Variants in WDTC1 observed in about 807,000 individuals in gnomAD.
WDTC1 encodes the protein WD and tetratricopeptide repeats protein 1.
Under a neutral mutation model 76.0 loss-of-function variants are expected in WDTC1, and 12 were observed. The ratio of observed to expected loss-of-function variants is 0.16; its 90% CI spans 0.10 to 0.26. The LOEUF (loss-of-function observed/expected upper bound fraction) is 0.26. WDTC1 is among the 10% of genes least tolerant of loss of function. The probability of loss-of-function intolerance (pLI) is 1.00; values close to 1 mark genes in which losing one functional copy is unlikely to be tolerated. For synonymous variants in WDTC1, 326 were observed against 350.8 expected, an observed-to-expected ratio of 0.93 and a Z score of 0.79; for missense variants, 511 against 908.8, an observed-to-expected ratio of 0.56 and a Z score of 5.63.
intron 6 of WDTC1, among the ~76,000 whole-genome samples, chr1:27,288,385 G>A (rs1343351815): frequency 6.6e-6 from 1 of 150,994 alleles, no homozygotes; most frequent in Non-Finnish European, 1.5e-5. Flanking sequence ...TCATTCTTGG[G>A]TGTTTCTCGC....
At chr1:27,293,920 T>A in intron 7 of WDTC1, 102 bp from the exon 8 acceptor site, 5 of 1,110,074 alleles carry the variant, frequency 4.5e-6, no homozygotes, top group Non-Finnish European at 6.6e-6. Flanking sequence ...ATACCTCCTG[T>A]ATGTCTCAGA....
chr1:27,287,936 C>G, intron 6 of WDTC1, 75 bp downstream of exon 6: 1 of 1,506,018 alleles, frequency 6.6e-7, no homozygotes, highest in Non-Finnish European at 8.9e-7. Context: ...TTCTACAGAC[C>G]TAGCTCTTTC....
At position 27,301,070 on chromosome 1, in the gene WDTC1, T is replaced by C. The variant is rs529632794; in HGVS notation, c.1233-156T>C. Among the ~76,000 whole-genome samples the C allele has an allele frequency of 2.6e-5, 4 of 152,290 alleles. No homozygotes were observed. Among genetic ancestry groups the C allele is most frequent in the Non-Finnish European group, 5.9e-5 (4 of 67,992 alleles). On this transcript the variant is annotated intron_variant, in intron 12 of 15. Coordinates refer to ENST00000319394, the MANE Select transcript of WDTC1 (RefSeq NM_001276252.2). This position sits in a 1 kb window ranked among gnomAD's most constrained non-coding sequence, Gnocchi z 5.8. ...ACTCTGTCTCCTGATGGGGGAGGCC[T>C]GGGCTGAGCCAGGATTCTCTTCGTC...
At chr1:27,295,911 A>T (rs1052133925) in intron 9 of WDTC1, among the ~76,000 whole-genome samples, 14 of 152,044 alleles carry the variant, frequency 9.2e-5, no homozygotes, top group Non-Finnish European at 1.9e-4. Context: ...GACCACAGGC[A>T]CACGCCACCA....
At chr1:27,287,498 T>A (rs1466938003) in intron 5 of WDTC1, among the ~76,000 whole-genome samples, 176 bp from the exon 6 acceptor site, 1 of 152,096 alleles carries the variant, frequency 6.6e-6, no homozygotes, top group Non-Finnish European at 1.5e-5. Context: ...GGGATTTTCC[T>A]GCCTCAGCCT....
intron 5 of WDTC1, among the ~76,000 whole-genome samples, chr1:27,287,120 ACCACT>A: frequency 6.6e-6 from 1 of 150,876 alleles, no homozygotes; most frequent in South Asian, 2.1e-4. Context: ...CCGAGATTGC[ACCACT>A]GCACTCCAGC....
At position 27,298,124 on chromosome 1, in the gene WDTC1, TGCAGAGGGG is replaced by T; in HGVS notation, c.1232+14_1232+22del. 1 of 1,579,446 alleles carries T rather than the reference TGCAGAGGGG, an allele frequency of 6.3e-7. No individual in the cohort carries two copies. The highest frequency in any genetic ancestry group is 8.6e-7 in the Non-Finnish European group (1 of 1,157,076). ...TGAAGCGCAAGTGGTGAGTGGCCAC[TGCAGAGGGG>T]ATCTGGGTCAGGATGAGGGAGAAAG... On this transcript the variant is annotated intron_variant, in intron 12 of 15. Coordinates refer to ENST00000319394, the MANE Select transcript of WDTC1 (RefSeq NM_001276252.2).
chr1:27,292,496 C>A, intron 7 of WDTC1, 99 bp downstream of exon 7: 1 of 1,170,778 alleles, frequency 8.5e-7, no homozygotes, highest in Non-Finnish European at 1.2e-6. Context: ...TCTTCTATCA[C>A]AGCTCACTGC....
chr1:27,294,841 A>G (rs1200342951), intron 9 of WDTC1, among the ~76,000 whole-genome samples: 1 of 152,228 alleles, frequency 6.6e-6, no homozygotes, highest in Non-Finnish European at 1.5e-5. Context: ...TTAATGAACT[A>G]GATAGAAATA....
At chr1:27,263,121 A>G (rs373959357) in intron 2 of WDTC1, 31 bp from the exon 3 acceptor site, 216 of 1,611,104 alleles carry the variant, frequency 1.3e-4, no homozygotes, top group Non-Finnish European at 1.8e-4. Flanking sequence ...AATTGAATCA[A>G]TGAAATCACG....
In WDTC1 at chr1:27,306,236, G is replaced by A. The variant is rs769509733; in HGVS notation, c.1887G>A (p.Gln629=). ...RVVEDMEGAS[Q]ANQRRMNADP... ...TGGAAGATATGGAGGGTGCTTCACA[G>A]GCCAACCAGCGGCGCATGAATGCAG... Residue 629 remains glutamine (Q), a synonymous_variant, in exon 16 of 16, where the codon CAG becomes CAA. Coordinates refer to ENST00000319394, the MANE Select transcript of WDTC1 (RefSeq NM_001276252.2). This position sits in a 1 kb window ranked among gnomAD's most constrained non-coding sequence, Gnocchi z 5.0. 4 of 1,614,136 alleles carry A rather than the reference G, an allele frequency of 2.5e-6. No individual in the cohort carries two copies. The South Asian group carries it at 4.4e-5, about 18-fold the overall frequency.
intron 8 of WDTC1, 48 bp from the exon 9 acceptor site, chr1:27,294,466 C>A (rs772429345): frequency 5.2e-6 from 8 of 1,530,292 alleles, no homozygotes; most frequent in African/African-American, 1.4e-5. Context: ...ATCTCATGCC[C>A]CTTTGAAAGG....
chr1:27,306,482 C>CT lies in WDTC1; in HGVS notation c.*107dup, dbSNP rs1375400542. On this transcript the variant is annotated 3_prime_UTR_variant, in exon 16 of 16. Transcript: ENST00000319394. The surrounding 1 kb of genome is among the most constrained non-coding windows in gnomAD (Gnocchi z 5.0). ...GTTTTGGTTTGTCTTCCCCACCACC[C>CT]TTTTTTTTCATTTCCCCTGTTTTGT... 76 of 1,371,294 alleles carry CT rather than the reference C, an allele frequency of 5.5e-5. No homozygotes were observed. The highest frequency in any genetic ancestry group is 7.0e-5 in the Non-Finnish European group (72 of 1,029,530). The allele number at this position is 1,371,294 out of a possible 1,614,324, so 84.9% of individuals were successfully genotyped here.
intron 3 of WDTC1, among the ~76,000 whole-genome samples, chr1:27,281,320 G>A (rs1293948048): frequency 6.6e-6 from 1 of 151,880 alleles, no homozygotes; most frequent in Non-Finnish European, 1.5e-5. Flanking sequence ...CTGGCGTGTT[G>A]GCGGGCGCCT....
At chr1:27,261,186 A>G (rs2012467157) in intron 2 of WDTC1, 84 bp downstream of exon 2, 18 of 1,557,576 alleles carry the variant, frequency 1.2e-5, no homozygotes, top group South Asian at 9.1e-5. Flanking sequence ...ACTGAAATCT[A>G]TAGTCTGTGA....
chr1:27,263,434 T>A (rs944683755), intron 3 of WDTC1, among the ~76,000 whole-genome samples, 199 bp downstream of exon 3: 17 of 152,024 alleles, frequency 1.1e-4, no homozygotes, highest in African/African-American at 4.1e-4. Context: ...ATTATTTTTT[T>A]ATTTTATTTT....
At chr1:27,300,458 G>A (rs1289104950) in intron 12 of WDTC1, among the ~76,000 whole-genome samples, 1 of 152,168 alleles carries the variant, frequency 6.6e-6, no homozygotes, top group African/African-American at 2.4e-5. Flanking sequence ...GGTGGGAAAA[G>A]GAGGGGCTTC....
Position 27,283,386 on chromosome 1 carries a change from G to T in WDTC1, c.228G>T (p.Pro76=), listed in dbSNP as rs145643841. The T allele has an allele frequency of 6.2e-7, 1 of 1,613,512 alleles. No homozygotes were observed. The highest frequency in any genetic ancestry group is 1.3e-5 in the African/African-American group (1 of 74,882). Reference sequence around the variant, plus strand: ...ACCAGCACACGATTGTGTGGGACCCGCTGCACCACAAGAAGCTGCTCTCCA... The same window carrying T: ...ACCAGCACACGATTGTGTGGGACCCTCTGCACCACAAGAAGCTGCTCTCCA... ...SDDQHTIVWD[P]LHHKKLLSMH... The change falls in exon 5 of 16, where the codon CCG becomes CCT. Residue 76 remains proline, a synonymous_variant. Coordinates refer to ENST00000319394, the MANE Select transcript of WDTC1 (RefSeq NM_001276252.2).
At position 27,303,887 on chromosome 1, in the gene WDTC1, C is replaced by CA; in HGVS notation, c.1643+95dup. 5 of 1,521,866 alleles carry CA rather than the reference C, an allele frequency of 3.3e-6. No homozygotes were observed. In the South Asian group the frequency reaches 5.9e-5, roughly 18 times the overall value. 94.3% of individuals were successfully genotyped at this position (1,521,866 alleles called of 1,614,324 possible). ...GCATAATGGTTTCAGAGAAGAATCT[C>CA]AAATCCCTGCTCTGCCTCTGTACCC... On this transcript the variant is annotated intron_variant, in intron 14 of 15. Transcript: ENST00000319394. This position sits in a 1 kb window ranked among gnomAD's most constrained non-coding sequence, Gnocchi z 4.8.
Sources: allele counts gnomAD v4.1 joint callset (sites outside exome capture counted in the v4.1 genomes callset), GRCh38; gene constraint gnomAD v4.1.1; non-coding constraint Gnocchi (gnomAD v3.1); transcripts MANE v1.5; gene names NCBI Gene and HGNC (gene_info 2026-07-23, HGNC 2026-07-21).